PCMT1: variants seen among roughly 807,000 people sequenced by gnomAD.
PCMT1 encodes protein-L-isoaspartate (D-aspartate) O-methyltransferase.
In PCMT1, 9 loss-of-function variants were observed where a neutral mutation model predicts 29.2. The observed-to-expected ratio is 0.31, with a 90% CI of 0.19 to 0.54. The LOEUF (loss-of-function observed/expected upper bound fraction) is 0.54, where lower values mean the gene tolerates loss of function less well. Among genes scored for constraint, PCMT1 ranks in the 20% least tolerant of loss-of-function variants. The probability of loss-of-function intolerance (pLI) is 0.95; values close to 1 mark genes in which losing one functional copy is unlikely to be tolerated. For missense variants in PCMT1, 184 were observed against 282.2 expected (o/e 0.65, Z 2.49); for synonymous variants, 98 against 97.5 (o/e 1.00, Z -0.03).
rs562228134 is a variant in PCMT1, at chr6:149,799,457, A to G, written c.505-2743A>G. 5.9e-5 allele frequency among the ~76,000 whole-genome samples: 9 copies of G among 152,224 alleles called. No individual in the cohort carries two copies. The South Asian group carries it at 1.2e-3, about 21-fold the overall frequency. Reference sequence around the variant, plus strand: ...AATTCTGAGTTGAAAATTATTTCCAACCTCGAATTCTGTATGCACACACAT... The same window carrying G: ...AATTCTGAGTTGAAAATTATTTCCAGCCTCGAATTCTGTATGCACACACAT... On this transcript the variant is annotated intron_variant, in intron 6 of 7. Coordinates refer to ENST00000464889, the MANE Select transcript of PCMT1 (RefSeq NM_001360452.2).
At position 149,790,119 on chromosome 6, in the gene PCMT1, G is replaced by T. The variant is rs547405745; in HGVS notation, c.297+61G>T. The T allele has an allele frequency of 1.7e-4, 173 of 995,630 alleles. 1 individual carries two copies. The South Asian group carries it at 2.1e-3, about 12-fold the overall frequency. The allele number at this position is 995,630 out of a possible 1,614,324, so 61.7% of individuals were successfully genotyped here. On this transcript the variant is annotated intron_variant, in intron 4 of 7. Coordinates refer to ENST00000464889, the MANE Select transcript of PCMT1 (RefSeq NM_001360452.2). ...AGAATATTATATGATTTGGCTGTATGTTTTTTTAACTAGTGGTTTTCATGT... is the reference window on the plus strand; with the variant it reads ...AGAATATTATATGATTTGGCTGTATTTTTTTTTAACTAGTGGTTTTCATGT...
chr6:149,766,050 A>G (rs1310530519), intron 1 of PCMT1, among the ~76,000 whole-genome samples: 1 of 151,076 alleles, frequency 6.6e-6, no homozygotes, highest in Non-Finnish European at 1.5e-5. Context: ...TATTACCTGT[A>G]CAGCAGTCAG....
At chr6:149,808,984 G>T (rs993741855) in intron 7 of PCMT1, among the ~76,000 whole-genome samples, 1 of 150,262 alleles carries the variant, frequency 6.7e-6, no homozygotes, top group East Asian at 2.0e-4. Flanking sequence ...CTTGGGCATG[G>T]TGGCTCACAC....
chr6:149,783,171 T>C (rs1463923947), intron 3 of PCMT1, among the ~76,000 whole-genome samples: 1 of 152,132 alleles, frequency 6.6e-6, no homozygotes, highest in African/African-American at 2.4e-5. Flanking sequence ...TCTTGCTGTG[T>C]CACCCAGGCT....
chr6:149,763,832 T>A (rs1387677857), intron 1 of PCMT1, among the ~76,000 whole-genome samples: 1 of 152,186 alleles, frequency 6.6e-6, no homozygotes, highest in Non-Finnish European at 1.5e-5. Context: ...GATTTATCTT[T>A]ATGTAAAAAA....
chr6:149,758,376 A>G (rs1398568979), intron 1 of PCMT1, among the ~76,000 whole-genome samples: 1 of 116,296 alleles, frequency 8.6e-6, no homozygotes, highest in Non-Finnish European at 1.7e-5. Flanking sequence ...ACGCCTGGCT[A>G]ATTTTTGTAT....
In PCMT1 at chr6:149,792,324, A is replaced by G. The variant is rs572746576; in HGVS notation, c.298-1225A>G. Among the ~76,000 whole-genome samples the G allele has an allele frequency of 2.2e-4, 33 of 152,290 alleles. 1 individual carries two copies. The South Asian group carries it at 6.4e-3, about 30-fold the overall frequency. ...AGCGAGACTTTATCTCAAAAAAAAA[A>G]GAAGGAACGGTTAACTTGCCAAGGT... On this transcript the variant is annotated intron_variant, in intron 4 of 7. Transcript: ENST00000464889.
Position 149,793,629 on chromosome 6 carries a change from C to T in PCMT1, c.378C>T (p.Asp126=), listed in dbSNP as rs374155355. The stretch of plus-strand genomic sequence containing the variant: ...ACTCAGTAAATAATGTCAGGAAGGA[C>T]GATCCAACACTTCTGTCTTCAGGGA... ...VDDSVNNVRK[D]DPTLLSSGRV... The change falls in exon 5 of 8, where the codon GAC becomes GAT. Residue 126 remains aspartate (D), a synonymous_variant. Transcript: ENST00000464889. 8.9e-6 allele frequency: 14 copies of T among 1,564,820 alleles called. No individual in the cohort carries two copies. Among genetic ancestry groups the T allele is most frequent in the Admixed American group, 8.4e-5 (4 of 47,768 alleles).
intron 1 of PCMT1, among the ~76,000 whole-genome samples, chr6:149,769,956 T>G (rs1237155767): frequency 6.6e-6 from 1 of 152,108 alleles, no homozygotes; most frequent in Non-Finnish European, 1.5e-5. Context: ...CTTTCCTTCC[T>G]GAGAAATTCA....
intron 3 of PCMT1, 46 bp from the exon 4 acceptor site, chr6:149,789,908 A>T (rs778906371): frequency 7.9e-7 from 1 of 1,263,478 alleles, no homozygotes; most frequent in Non-Finnish European, 1.1e-6. Context: ...ATATACCATG[A>T]TGTGTGTACT....
intron 3 of PCMT1, among the ~76,000 whole-genome samples, chr6:149,785,141 GTTAA>G (rs1787970772): frequency 6.7e-6 from 1 of 149,310 alleles, no homozygotes; most frequent in Admixed American, 6.7e-5. Context: ...TCTGAATTTG[GTTAA>G]TTGTTTCCTA....
At chr6:149,803,052 CAAAAAAAAAA>C (rs60853264) in intron 7 of PCMT1, among the ~76,000 whole-genome samples, 2 of 70,570 alleles carry the variant, frequency 2.8e-5, no homozygotes, top group Non-Finnish European at 5.7e-5. Context: ...GGCTCTGTCT[CAAAAAAAAAA>C]AAAAAAAAAA....
chr6:149,780,521 C>T (rs1428367413), intron 3 of PCMT1, among the ~76,000 whole-genome samples: 1 of 152,166 alleles, frequency 6.6e-6, no homozygotes, highest in African/African-American at 2.4e-5. Context: ...CCAACCCCTG[C>T]TCTGCTCAGG....
chr6:149,791,625 T>G (rs1019173379), intron 4 of PCMT1, among the ~76,000 whole-genome samples: 1 of 152,206 alleles, frequency 6.6e-6, no homozygotes, highest in Non-Finnish European at 1.5e-5. Context: ...TTTTGTCTGC[T>G]CTTTTTTATC....
chr6:149,807,238 C>T (rs139538503), intron 7 of PCMT1, among the ~76,000 whole-genome samples: 178 of 152,132 alleles, frequency 1.2e-3, no homozygotes, highest in African/African-American at 3.7e-3. Flanking sequence ...GAATTGTGTT[C>T]ATGACTATGG....
At chr6:149,794,655 C>G (rs1041707866) in intron 5 of PCMT1, 3 of 252,468 alleles carry the variant, frequency 1.2e-5, no homozygotes, top group South Asian at 3.0e-5. Flanking sequence ...CCGGGCAGCT[C>G]TAGTAGCCAC....
At chr6:149,750,557 G>T (rs1786268856) in intron 1 of PCMT1, among the ~76,000 whole-genome samples, 1 of 152,194 alleles carries the variant, frequency 6.6e-6, no homozygotes, top group Non-Finnish European at 1.5e-5. Context: ...CGGCTGTCCA[G>T]TGGAAAGCTC....
chr6:149,802,828 C>T (rs538624783), intron 7 of PCMT1, among the ~76,000 whole-genome samples: 3 of 151,556 alleles, frequency 2.0e-5, no homozygotes, highest in South Asian at 2.1e-4. Flanking sequence ...CCTAGGTGGG[C>T]GGATCACTTG....
At chr6:149,752,300 C>T (rs1255025664) in intron 1 of PCMT1, among the ~76,000 whole-genome samples, 4 of 151,856 alleles carry the variant, frequency 2.6e-5, no homozygotes, top group African/African-American at 7.3e-5. Context: ...TGGGTTCAAG[C>T]GATTCTTCTG....
Sources: allele counts gnomAD v4.1 joint callset (sites outside exome capture counted in the v4.1 genomes callset), GRCh38; gene constraint gnomAD v4.1.1; transcripts MANE v1.5; gene names NCBI Gene and HGNC (gene_info 2026-07-23, HGNC 2026-07-21).